The following CDKL3 variants were observed in gnomAD, a reference collection of about 807,000 sequenced individuals.
The protein encoded by CDKL3 is cyclin-dependent kinase-like 3.
A neutral mutation model predicts 69.3 loss-of-function variants in CDKL3; 65 were observed. That is an observed-to-expected ratio of 0.94 (90% CI 0.77 to 1.15). CDKL3 has a LOEUF of 1.15. CDKL3 is among the 50% of genes most tolerant of loss of function. CDKL3 has a pLI of 0.00. For synonymous variants in CDKL3, 202 were observed against 221.6 expected, an observed-to-expected ratio of 0.91 and a Z score of 0.79; for missense variants, 652 against 689.2, an observed-to-expected ratio of 0.95 and a Z score of 0.61.
chr5:134,353,170 A>T (rs566664004), intron 3 of CDKL3, among the ~76,000 whole-genome samples: 1 of 152,204 alleles, frequency 6.6e-6, no homozygotes, highest in Admixed American at 6.5e-5. Context: ...CGTCTAACAG[A>T]TATTTCTCCT....
downstream of CDKL3, among the ~76,000 whole-genome samples, chr5:134,293,475 C>T (rs1765215179): frequency 6.6e-6 from 1 of 151,850 alleles, no homozygotes; most frequent in African/African-American, 2.4e-5. Flanking sequence ...AAGGACAATA[C>T]AAGAAAAAAA....
chr5:134,313,357 C>T (rs1055217628), intron 6 of CDKL3, among the ~76,000 whole-genome samples: 1 of 152,180 alleles, frequency 6.6e-6, no homozygotes, highest in Admixed American at 6.5e-5. Flanking sequence ...GCTCAGACTA[C>T]AGACACATGC....
intron 8 of CDKL3, among the ~76,000 whole-genome samples, chr5:134,291,050 G>A (rs190302970): frequency 2.0e-5 from 3 of 152,056 alleles, no homozygotes; most frequent in East Asian, 1.9e-4. Context: ...GATGATGTAG[G>A]GTATAAGAAA....
chr5:134,358,524 CTTTT>C lies in CDKL3; in HGVS notation c.360+1369_360+1372del, dbSNP rs939403393. Among the ~76,000 whole-genome samples the C allele has an allele frequency of 4.7e-5, 7 of 147,908 alleles. 1 individual carries two copies. In the South Asian group the frequency reaches 1.3e-3, roughly 27 times the overall value. Reference sequence around the variant, plus strand: ...CTTGACTCCCTACCAGCTTTCTTTTCTTTTCCTTTTTTTTCTTTTCTTTCCTTAA... The same window carrying C: ...CTTGACTCCCTACCAGCTTTCTTTTCCCTTTTTTTTCTTTTCTTTCCTTAA... On this transcript the variant is annotated intron_variant, in intron 3 of 12. Transcript: ENST00000265334.
chr5:134,348,638 T>C (rs1752515164), intron 4 of CDKL3, among the ~76,000 whole-genome samples: 1 of 152,074 alleles, frequency 6.6e-6, no homozygotes, highest in Admixed American at 6.5e-5. Flanking sequence ...ACACAAAATT[T>C]ACAGATAATG....
chr5:134,345,952 A>G (rs1751755807), intron 4 of CDKL3, among the ~76,000 whole-genome samples: 1 of 152,190 alleles, frequency 6.6e-6, no homozygotes, highest in African/African-American at 2.4e-5. Context: ...GGCATGATAC[A>G]TACTTTGAAC....
At chr5:134,284,801 C>T (rs1764786505), downstream of CDKL3, among the ~76,000 whole-genome samples, 1 of 152,200 alleles carries the variant, frequency 6.6e-6, no homozygotes, top group Non-Finnish European at 1.5e-5. Flanking sequence ...TGACTCTGTT[C>T]TGCCTGGCCC....
chr5:134,320,672 G>A (rs1381242924), intron 5 of CDKL3, among the ~76,000 whole-genome samples: 12 of 151,746 alleles, frequency 7.9e-5, no homozygotes, highest in South Asian at 6.2e-4. Flanking sequence ...TCAGGAAATC[G>A]AGACCATCCT....
chr5:134,332,068 T>C (rs1775932973), intron 4 of CDKL3, among the ~76,000 whole-genome samples: 2 of 152,354 alleles, frequency 1.3e-5, no homozygotes, highest in African/African-American at 4.8e-5. Context: ...CATTTTTTAA[T>C]GTGTCTGTTG....
chr5:134,370,590 G>A (rs1248116759), upstream of CDKL3, among the ~76,000 whole-genome samples: 1 of 152,170 alleles, frequency 6.6e-6, no homozygotes, highest in Non-Finnish European at 1.5e-5. Flanking sequence ...CCCGGACTCT[G>A]ACACATATCT....
intron 4 of CDKL3, among the ~76,000 whole-genome samples, chr5:134,347,684 AC>A (rs1477522223): frequency 1.4e-5 from 2 of 142,712 alleles, no homozygotes; most frequent in Non-Finnish European, 3.0e-5. Context: ...AAATGGCAAA[AC>A]CCCATCTCTG....
chr5:134,293,975 T>C (rs760580033), downstream of CDKL3, among the ~76,000 whole-genome samples: 32 of 151,562 alleles, frequency 2.1e-4, no homozygotes, highest in Non-Finnish European at 4.0e-4. Context: ...TAGCTGGGCA[T>C]GGGGCACATG....
intron 4 of CDKL3, among the ~76,000 whole-genome samples, chr5:134,333,054 T>A: frequency 6.6e-6 from 1 of 152,164 alleles, no homozygotes. Context: ...CTGTTTGTAG[T>A]AATTGTGAAT....
downstream of CDKL3, among the ~76,000 whole-genome samples, chr5:134,293,848 C>T (rs1258156300): frequency 6.6e-6 from 1 of 151,420 alleles, no homozygotes; most frequent in East Asian, 2.0e-4. Context: ...AGTGGTTCAG[C>T]CTATAATCCC....
At chr5:134,350,975 T>C (rs1753163046) in intron 3 of CDKL3, among the ~76,000 whole-genome samples, 1 of 152,174 alleles carries the variant, frequency 6.6e-6, no homozygotes, top group Non-Finnish European at 1.5e-5. Flanking sequence ...ACATTATCTG[T>C]ACTCAGTCTT....
At chr5:134,325,081 G>C (rs1348659822) in intron 4 of CDKL3, among the ~76,000 whole-genome samples, 1 of 152,212 alleles carries the variant, frequency 6.6e-6, no homozygotes, top group Admixed American at 6.5e-5. Flanking sequence ...TGGAGGCTGA[G>C]GCAGGAGGAT....
At chr5:134,339,635 C>A (rs758982321) in intron 4 of CDKL3, among the ~76,000 whole-genome samples, 8 of 152,118 alleles carry the variant, frequency 5.3e-5, no homozygotes, top group Admixed American at 1.3e-4. Context: ...GTTCTCAAGT[C>A]ACATGGAACA....
intron 6 of CDKL3, among the ~76,000 whole-genome samples, chr5:134,312,743 T>C (rs561693283): frequency 3.0e-4 from 46 of 152,226 alleles, no homozygotes; most frequent in Non-Finnish European, 6.3e-4. Flanking sequence ...GAAGCATGAT[T>C]AGTAGTTTGC....
upstream of CDKL3, chr5:134,371,589 G>A (rs1419063377): frequency 2.8e-5 from 45 of 1,612,524 alleles, no homozygotes; most frequent in Non-Finnish European, 3.6e-5. Flanking sequence ...CGGGGCAGCT[G>A]CGGAGCATGT....
Sources: allele counts gnomAD v4.1 joint callset (sites outside exome capture counted in the v4.1 genomes callset), GRCh38; gene constraint gnomAD v4.1.1; transcripts MANE v1.5; gene names NCBI Gene and HGNC (gene_info 2026-07-23, HGNC 2026-07-21).